The following SMAP1 variants were observed in gnomAD, a reference collection of about 807,000 sequenced individuals.
The protein encoded by SMAP1 is stromal membrane-associated protein 1.
A neutral mutation model predicts 58.5 loss-of-function variants in SMAP1; 24 were observed. That is an observed-to-expected ratio of 0.41 (90% CI 0.30 to 0.58). The LOEUF is 0.58. Among genes scored for constraint, SMAP1 ranks in the 20% least tolerant of loss-of-function variants. The pLI, the probability that SMAP1 is intolerant of heterozygous loss-of-function variation, is 0.29. For synonymous variants in SMAP1, 216 were observed against 196.6 expected (o/e 1.10, Z -0.82); for missense variants, 563 against 566.3 (o/e 0.99, Z 0.06).
intron 3 of SMAP1, among the ~76,000 whole-genome samples, chr6:70,760,747 G>C (rs541117221): frequency 6.6e-6 from 1 of 151,992 alleles, no homozygotes; most frequent in African/African-American, 2.4e-5. Flanking sequence ...ACCAAACTAA[G>C]TTAAACTCAT....
chr6:70,707,672 C>T (rs535494901), intron 1 of SMAP1, among the ~76,000 whole-genome samples: 1 of 152,180 alleles, frequency 6.6e-6, no homozygotes, highest in Admixed American at 6.5e-5. Flanking sequence ...GTAGTGGGAT[C>T]TTAGCTCACT....
chr6:70,714,735 T>C (rs2149840751), intron 1 of SMAP1, among the ~76,000 whole-genome samples: 1 of 152,322 alleles, frequency 6.6e-6, no homozygotes, highest in South Asian at 2.1e-4. Flanking sequence ...TGTTGTTGTT[T>C]TGCATCTTTT....
chr6:70,835,550 G>A (rs138957243), intron 6 of SMAP1, among the ~76,000 whole-genome samples: 4 of 152,222 alleles, frequency 2.6e-5, no homozygotes, highest in Admixed American at 2.0e-4. Flanking sequence ...CTGTTGCCCA[G>A]GCTGGAACTG....
At chr6:70,732,297 C>T (rs977870115) in intron 1 of SMAP1, 81 bp from the exon 2 acceptor site, 46 of 1,417,014 alleles carry the variant, frequency 3.2e-5, no homozygotes, top group East Asian at 7.2e-5. Flanking sequence ...TATATAAAAC[C>T]GAGAATGCTT....
intron 4 of SMAP1, among the ~76,000 whole-genome samples, chr6:70,789,724 CAAAAAAAAAA>C (rs35376781): frequency 2.7e-5 from 2 of 73,730 alleles, no homozygotes; most frequent in African/African-American, 5.5e-5. Flanking sequence ...GACTCTGTCT[CAAAAAAAAAA>C]AAAAAAAAAA....
chr6:70,809,218 C>A (rs112058624), intron 6 of SMAP1, among the ~76,000 whole-genome samples: 4,494 of 152,032 alleles, frequency 0.03, 248 homozygotes, highest in African/African-American at 0.1. Flanking sequence ...TACATACTTA[C>A]CAGCATCAAT....
chr6:70,775,347 C>G (rs990537146), intron 4 of SMAP1, among the ~76,000 whole-genome samples: 2 of 151,982 alleles, frequency 1.3e-5, no homozygotes, highest in Non-Finnish European at 2.9e-5. Flanking sequence ...CTTTTCTTAG[C>G]AATAATTAGG....
intron 4 of SMAP1, among the ~76,000 whole-genome samples, chr6:70,780,421 A>G (rs1391553646): frequency 1.3e-5 from 2 of 152,138 alleles, no homozygotes; most frequent in Non-Finnish European, 2.9e-5. Flanking sequence ...ACAAAAAATA[A>G]TAATGAAAAA....
At chr6:70,693,610 ATTT>A (rs1023252226) in intron 1 of SMAP1, among the ~76,000 whole-genome samples, 12 of 152,112 alleles carry the variant, frequency 7.9e-5, no homozygotes, top group Admixed American at 7.9e-4. Flanking sequence ...CCATCATTGT[ATTT>A]TAATAGGGAT....
At chr6:70,808,689 C>G (rs1025431783) in intron 6 of SMAP1, among the ~76,000 whole-genome samples, 1 of 152,138 alleles carries the variant, frequency 6.6e-6, no homozygotes, top group East Asian at 1.9e-4. Flanking sequence ...GGGACTGATT[C>G]CAAACATCAT....
intron 1 of SMAP1, among the ~76,000 whole-genome samples, chr6:70,689,943 A>G (rs1767088897): frequency 6.6e-6 from 1 of 152,158 alleles, no homozygotes; most frequent in Admixed American, 6.5e-5. Context: ...ATTTGTTTTC[A>G]TAGCTTTTTT....
intron 1 of SMAP1, among the ~76,000 whole-genome samples, chr6:70,695,875 A>G (rs1346920460): frequency 1.3e-5 from 2 of 152,128 alleles, no homozygotes; most frequent in Non-Finnish European, 2.9e-5. Flanking sequence ...TAAATGTTTG[A>G]TAGAATTCAG....
intron 7 of SMAP1, among the ~76,000 whole-genome samples, chr6:70,839,956 C>T (rs1770739288): frequency 6.6e-6 from 1 of 152,108 alleles, no homozygotes; most frequent in African/African-American, 2.4e-5. Flanking sequence ...TTGGTGTCCA[C>T]CTTGGGCCTC....
intron 1 of SMAP1, among the ~76,000 whole-genome samples, chr6:70,703,793 A>G (rs1419357455): frequency 6.6e-6 from 1 of 152,170 alleles, no homozygotes; most frequent in Non-Finnish European, 1.5e-5. Context: ...TATGAAATTC[A>G]GCCACCTTAG....
chr6:70,804,287 A>T (rs1005337610), intron 6 of SMAP1, among the ~76,000 whole-genome samples: 1 of 147,766 alleles, frequency 6.8e-6, no homozygotes, highest in African/African-American at 2.5e-5. Context: ...AGTCTGTTTT[A>T]TCAGAGACTA....
chr6:70,838,658 G>A (rs1770692734), intron 7 of SMAP1, among the ~76,000 whole-genome samples: 1 of 151,946 alleles, frequency 6.6e-6, no homozygotes, highest in African/African-American at 2.4e-5. Context: ...TACTTGAAGT[G>A]TGCAAGGACC....
chr6:70,771,933 C>A (rs550233102), intron 3 of SMAP1, among the ~76,000 whole-genome samples: 1 of 152,302 alleles, frequency 6.6e-6, no homozygotes, highest in South Asian at 2.1e-4. Context: ...CCTGCTTACT[C>A]CAGGTTAGGG....
intron 7 of SMAP1, among the ~76,000 whole-genome samples, chr6:70,844,717 A>G (rs1770924195): frequency 6.6e-6 from 1 of 152,266 alleles, no homozygotes; most frequent in Non-Finnish European, 1.5e-5. Flanking sequence ...ATATGCTTCA[A>G]ATGGACATTT....
chr6:70,791,726 C>A lies in SMAP1; in HGVS notation c.452C>A (p.Ser151Tyr). 1 of 1,613,390 alleles carries A rather than the reference C, an allele frequency of 6.2e-7. No homozygotes were observed. The highest frequency in any genetic ancestry group is 1.7e-5 in the Admixed American group (1 of 59,968). ...GATGCTCCTCTTCAGCCTTTGGTATCCTCTCCTTCTCTGCAAGCTGCTGTT... is the reference window on the plus strand; with the variant it reads ...GATGCTCCTCTTCAGCCTTTGGTATACTCTCCTTCTCTGCAAGCTGCTGTT... ...SSDAPLQPLV[S>Y]SPSLQAAVDK... The change falls in exon 5 of 11, where the codon TCC becomes TAC. Residue 151 changes from serine to tyrosine, a missense_variant. This residue lies in a region of SMAP1 where 494 missense variants were observed against 473.8 expected (regional missense o/e 1.04). Coordinates refer to ENST00000370455, the MANE Select transcript of SMAP1 (RefSeq NM_001044305.3).
Sources: allele counts gnomAD v4.1 joint callset (sites outside exome capture counted in the v4.1 genomes callset), GRCh38; gene constraint gnomAD v4.1.1; regional missense constraint gnomAD v4.1.1; transcripts MANE v1.5; gene names NCBI Gene and HGNC (gene_info 2026-07-23, HGNC 2026-07-21).